Variants in CDKN2B-AS1 observed in about 807,000 individuals in gnomAD.
CDKN2B-AS1 encodes CDKN2B and CDKN2A antisense cis and trans regulatory RNA 1, also known as CDKN2B antisense RNA 1 (non-protein coding).
intron 4 of CDKN2B-AS1, chr9:22,119,067 C>T (rs1388183045): frequency 6.6e-6 from 1 of 152,078 alleles, no homozygotes; most frequent in Non-Finnish European, 1.5e-5. Flanking sequence ...TTTGTTTTTG[C>T]TCTGTTACAT....
intron 4 of CDKN2B-AS1, among the ~76,000 whole-genome samples, chr9:22,103,131 ATGTGTGTGTGTGTGTGTGTGTG>A (rs3221506): frequency 4.5e-5 from 6 of 132,410 alleles, no homozygotes; most frequent in South Asian, 2.6e-4. Flanking sequence ...TCTAGAACAG[ATGTGTGTGTGTGTGTGTGTGTG>A]TGTGTGTGTG....
intron 1 of CDKN2B-AS1, among the ~76,000 whole-genome samples, chr9:22,022,807 G>T (rs1004034492): frequency 1.5e-4 from 23 of 152,198 alleles, no homozygotes; most frequent in African/African-American, 9.7e-5. Flanking sequence ...AGGAGCTCTT[G>T]TAAGGCAGGT....
At chr9:22,074,695 C>G (rs1467905844) in intron 4 of CDKN2B-AS1, among the ~76,000 whole-genome samples, 1 of 152,158 alleles carries the variant, frequency 6.6e-6, no homozygotes, top group Non-Finnish European at 1.5e-5. Flanking sequence ...TTGCACTTTA[C>G]TAGGTTCCTG....
At chr9:22,109,692 G>C (rs1456382721) in intron 4 of CDKN2B-AS1, among the ~76,000 whole-genome samples, 2 of 152,162 alleles carry the variant, frequency 1.3e-5, no homozygotes, top group East Asian at 3.8e-4. Context: ...CTGCCATTTA[G>C]TATTAGCTGT....
chr9:22,013,704 C>T (rs1170712246), intron 1 of CDKN2B-AS1, among the ~76,000 whole-genome samples: 4 of 152,170 alleles, frequency 2.6e-5, no homozygotes, highest in Admixed American at 6.5e-5. Flanking sequence ...TCTTTCACCT[C>T]GGCCCCCCAA....
intron 4 of CDKN2B-AS1, among the ~76,000 whole-genome samples, chr9:22,072,154 G>A (rs1824321202): frequency 1.3e-5 from 2 of 152,160 alleles, no homozygotes; most frequent in South Asian, 2.1e-4. Flanking sequence ...ATCACTGTGG[G>A]TAACTTGGGC....
chr9:22,067,794 C>T (rs1416094756), intron 4 of CDKN2B-AS1, among the ~76,000 whole-genome samples: 1 of 152,128 alleles, frequency 6.6e-6, no homozygotes, highest in Admixed American at 6.5e-5. Flanking sequence ...CTTTATGTTC[C>T]AGTTCAGCAA....
intron 4 of CDKN2B-AS1, among the ~76,000 whole-genome samples, chr9:22,066,596 T>C (rs1322838606): frequency 2.0e-5 from 3 of 152,058 alleles, no homozygotes; most frequent in Non-Finnish European, 4.4e-5. Flanking sequence ...AAAATTAAAA[T>C]ACGAATGTCC....
At chr9:22,053,658 C>A (rs1370465295) in intron 3 of CDKN2B-AS1, among the ~76,000 whole-genome samples, 1 of 152,138 alleles carries the variant, frequency 6.6e-6, no homozygotes, top group African/African-American at 2.4e-5. Flanking sequence ...TAAGAGAATG[C>A]AAGTATATGC....
In CDKN2B-AS1 at chr9:22,069,091, A is replaced by G. The variant is rs562903661; in HGVS notation, n.438+12704A>G. ...CTTTCCCTTTTCTAGGCTTTTTCAG[A>G]TGCCTCTTTTACATTATTACTTTTC... On this transcript the variant is annotated intron_variant and non_coding_transcript_variant, in intron 4 of 4. Transcript: ENST00000650946. 3.9e-5 allele frequency among the ~76,000 whole-genome samples: 6 copies of G among 152,216 alleles called. No individual in the cohort carries two copies. The South Asian group carries it at 1.2e-3, about 32-fold the overall frequency.
At chr9:22,111,125 T>G (rs1248425311) in intron 4 of CDKN2B-AS1, among the ~76,000 whole-genome samples, 1 of 152,192 alleles carries the variant, frequency 6.6e-6, no homozygotes, top group Non-Finnish European at 1.5e-5. Flanking sequence ...ATTTTTTTGC[T>G]GTTATGAACA....
rs1822388000 is a variant in CDKN2B-AS1, at chr9:22,029,670, C to G, written n.30-17081C>G. On this transcript the variant is annotated intron_variant and non_coding_transcript_variant, in intron 1 of 4. Transcript: ENST00000650946. ...AGAGCCTTGGGGAAATGTTCTCTTC[C>G]AAATTTAATCTTTACATTATTAGAA... 5 of 488,990 alleles carry G rather than the reference C, an allele frequency of 1.0e-5. 1 individual carries two copies. Among genetic ancestry groups the G allele is most frequent in the Middle Eastern group, 5.9e-4 (2 of 3,368 alleles). 30.3% of individuals were successfully genotyped at this position (488,990 alleles called of 1,614,324 possible).
exon 3 of CDKN2B-AS1, chr9:22,049,174 C>T (rs981724259): frequency 3.3e-5 from 5 of 152,006 alleles, no homozygotes; most frequent in Admixed American, 1.3e-4. Context: ...AGAAGAAAAC[C>T]GGGGAGATCT....
At chr9:22,054,691 T>C (rs7874604) in intron 3 of CDKN2B-AS1, among the ~76,000 whole-genome samples, 87,798 of 150,018 alleles carry the variant, frequency 0.59, 26,612 homozygotes, top group African/African-American at 0.7. Flanking sequence ...TATTTTTTTA[T>C]TTTTTATTTA....
intron 1 of CDKN2B-AS1, among the ~76,000 whole-genome samples, chr9:22,015,774 A>G (rs1821726057): frequency 6.6e-6 from 1 of 152,170 alleles, no homozygotes. Flanking sequence ...CTGACTGTTT[A>G]ATGATTGCCA....
intron 1 of CDKN2B-AS1, chr9:22,004,142 G>A (rs1319580545): frequency 4.3e-6 from 1 of 232,304 alleles, no homozygotes; most frequent in African/African-American, 2.2e-5. Context: ...ACCTGGTACA[G>A]ATTATGTGTC....
At chr9:22,024,255 G>C (rs1489867322) in intron 1 of CDKN2B-AS1, among the ~76,000 whole-genome samples, 1 of 152,204 alleles carries the variant, frequency 6.6e-6, no homozygotes, top group Non-Finnish European at 1.5e-5. Context: ...AACTCTGGAT[G>C]ACTTGTATTG....
chr9:22,001,804 G>T lies in CDKN2B-AS1; in HGVS notation n.29+6643G>T, dbSNP rs1820929335. Among the ~76,000 whole-genome samples, 1 of 152,090 alleles carries T rather than the reference G, an allele frequency of 6.6e-6. No individual in the cohort carries two copies. Among genetic ancestry groups the T allele is most frequent in the Non-Finnish European group, 1.5e-5 (1 of 67,940 alleles). ...TTATAGAAACTTTTCAGGTATGAAGGATAGTAGTAGAGATGTTACATGAGT... is the reference window on the plus strand; with the variant it reads ...TTATAGAAACTTTTCAGGTATGAAGTATAGTAGTAGAGATGTTACATGAGT... On this transcript the variant is annotated intron_variant and non_coding_transcript_variant, in intron 1 of 4. Coordinates refer to ENST00000650946, the Ensembl canonical transcript of CDKN2B-AS1. The surrounding 1 kb of genome is among the most constrained non-coding windows in gnomAD (Gnocchi z 4.2).
intron 4 of CDKN2B-AS1, among the ~76,000 whole-genome samples, chr9:22,124,044 A>T (rs976585131): frequency 6.6e-6 from 1 of 152,242 alleles, no homozygotes; most frequent in African/African-American, 2.4e-5. Flanking sequence ...AGACAAATAC[A>T]CCAAACTGAT....
Sources: gnomAD v4.1 joint callset for allele counts (sites outside exome capture counted in the v4.1 genomes callset) on GRCh38, gnomAD v4.1.1 for gene constraint, Gnocchi (gnomAD v3.1) non-coding constraint, MANE v1.5 for transcripts, NCBI Gene and HGNC (gene_info 2026-07-23, HGNC 2026-07-21) for gene names.